RBL1: variants seen among roughly 807,000 people sequenced by gnomAD.
The protein encoded by RBL1 is retinoblastoma-like protein 1.
Under a neutral mutation model 123.0 loss-of-function variants are expected in RBL1, and 82 were observed. The ratio of observed to expected loss-of-function variants is 0.67; its 90% confidence interval spans 0.56 to 0.80. The LOEUF (loss-of-function observed/expected upper bound fraction) is 0.80. RBL1 is among the 30% of genes least tolerant of loss of function. The pLI, the probability that RBL1 is intolerant of heterozygous loss-of-function variation, is 0.00. For missense variants in RBL1, 1,171 were observed against 1,299.6 expected (o/e 0.90, Z 1.52); for synonymous variants, 405 against 441.3 (o/e 0.92, Z 1.03).
intron 19 of RBL1, among the ~76,000 whole-genome samples, chr20:37,013,651 G>A (rs1453316539): frequency 2.6e-5 from 4 of 151,786 alleles, no homozygotes; most frequent in Non-Finnish European, 5.9e-5. Flanking sequence ...GAAAGATCCA[G>A]TGAAGTCTCT....
chr20:37,021,591 C>T (rs1379668632), intron 17 of RBL1, among the ~76,000 whole-genome samples: 1 of 151,910 alleles, frequency 6.6e-6, no homozygotes, highest in East Asian at 1.9e-4. Context: ...ACTACAGGCG[C>T]GTGCCACCAT....
At chr20:37,013,798 A>C (rs559433531) in intron 19 of RBL1, among the ~76,000 whole-genome samples, 2 of 152,062 alleles carry the variant, frequency 1.3e-5, no homozygotes, top group South Asian at 4.1e-4. Context: ...AAATCTTGGC[A>C]CCTGTTCTTG....
Position 37,065,458 on chromosome 20 carries a change from A to G in RBL1, c.862T>C (p.Cys288Arg). Reference protein sequence around the residue: ...LFDRKILKGECLLDLSSFTDN... With the variant: ...LFDRKILKGERLLDLSSFTDN... ...GTAAAACTTGAAAGGTCCAGGAGGC[A>G]TTCTCCTTTTAATATCTGTGAACAA... Residue 288 changes from cysteine to arginine, a missense_variant, in exon 7 of 22, where the codon TGC (cysteine) becomes CGC (arginine). Cys to Arg is a radical substitution (Grantham distance 180). Coordinates refer to ENST00000373664, the MANE Select transcript of RBL1 (RefSeq NM_002895.5). 1 of 1,597,534 alleles carries G rather than the reference A, an allele frequency of 6.3e-7. No homozygotes were observed. Among genetic ancestry groups the G allele is most frequent in the Non-Finnish European group, 8.6e-7 (1 of 1,168,756 alleles).
chr20:37,029,493 C>G (rs868232866), intron 16 of RBL1, among the ~76,000 whole-genome samples: 2 of 152,146 alleles, frequency 1.3e-5, no homozygotes, highest in East Asian at 3.8e-4. Flanking sequence ...ACATCATACT[C>G]AAATTGAAAA....
chr20:37,051,605 T>G (rs2064915153), intron 11 of RBL1, among the ~76,000 whole-genome samples: 1 of 152,020 alleles, frequency 6.6e-6, no homozygotes, highest in Non-Finnish European at 1.5e-5. Flanking sequence ...ATACTTTACT[T>G]AAATTGGTTA....
At chr20:37,094,838 G>A (rs1454906115) in intron 1 of RBL1, among the ~76,000 whole-genome samples, 2 of 152,116 alleles carry the variant, frequency 1.3e-5, no homozygotes, top group African/African-American at 2.4e-5. Flanking sequence ...GGGTTTCGCC[G>A]TGTTGCCCAG....
intron 7 of RBL1, among the ~76,000 whole-genome samples, chr20:37,062,890 A>G (rs1277203999): frequency 6.7e-6 from 1 of 149,168 alleles, no homozygotes; most frequent in Non-Finnish European, 1.5e-5. Flanking sequence ...GCTGAGGCAG[A>G]AGAATGGCAT....
chr20:37,054,490 T>A lies in RBL1; in HGVS notation c.1467+1063A>T, dbSNP rs535291665. On this transcript the variant is annotated intron_variant, in intron 11 of 21. Transcript: ENST00000373664. ...CAGAGCGAGACTACATCTAAAAAAA[T>A]AAATAAATAAAATTAAAAAAATTAA... Among the ~76,000 whole-genome samples the A allele has an allele frequency of 5.2e-3, 759 of 145,424 alleles. 7 individuals carry two copies. Among genetic ancestry groups the A allele is most frequent in the African/African-American group, 0.018 (716 of 39,346 alleles).
At position 37,095,906 on chromosome 20, in the gene RBL1, G is replaced by A. The variant is rs772333188; in HGVS notation, c.23C>T (p.Ala8Val). 2.5e-6 allele frequency: 4 copies of A among 1,600,662 alleles called. No individual in the cohort carries two copies. The highest frequency in any genetic ancestry group is 1.3e-5 in the African/African-American group (1 of 74,862). ...TGCGGCGACCACCGCCGCCCCCTCA[G>A]CGTGGGGCTTGTCCTCGAACATCCC... is the stretch of plus-strand genomic sequence containing the variant. MFEDKPHAEGAAVVAAAG... is the reference protein window; with the variant it reads MFEDKPHVEGAAVVAAAG... Residue 8 changes from alanine (A) to valine (V), a missense_variant, in exon 1 of 22, where the codon GCT becomes GTT. Physicochemically the swap from Ala to Val is moderately conservative, Grantham distance 64. Coordinates refer to ENST00000373664, the MANE Select transcript of RBL1 (RefSeq NM_002895.5).
At chr20:37,064,931 CTTTT>C (rs377383954) in intron 7 of RBL1, among the ~76,000 whole-genome samples, 3 of 133,626 alleles carry the variant, frequency 2.2e-5, no homozygotes, top group Non-Finnish European at 3.2e-5. Flanking sequence ...CGGCCTCTTT[CTTTT>C]TTTTTTTTTT....
intron 18 of RBL1, among the ~76,000 whole-genome samples, chr20:37,019,854 G>A (rs998223823): frequency 3.3e-5 from 5 of 152,114 alleles, no homozygotes; most frequent in Admixed American, 6.6e-5. Flanking sequence ...AATGCTTATT[G>A]TGTGCCAGTC....
intron 2 of RBL1, chr20:37,082,067 G>C (rs1444862967): frequency 2.2e-6 from 1 of 454,578 alleles, no homozygotes; most frequent in South Asian, 1.6e-5. Context: ...CTATGCCGGG[G>C]GAGCCTGCAA....
chr20:37,016,020 G>A (rs1189265823), intron 19 of RBL1, among the ~76,000 whole-genome samples: 3 of 138,842 alleles, frequency 2.2e-5, no homozygotes, highest in Non-Finnish European at 3.1e-5. Context: ...CGTGCCCAGC[G>A]GTTTTTTTTT....
chr20:37,004,513 G>T (rs2064038043), intron 20 of RBL1, among the ~76,000 whole-genome samples: 1 of 148,898 alleles, frequency 6.7e-6, no homozygotes, highest in Non-Finnish European at 1.5e-5. Flanking sequence ...AGGAGTTTGA[G>T]ACCAGCCTGG....
At chr20:37,000,736 C>T (rs1337231433) in intron 21 of RBL1, among the ~76,000 whole-genome samples, 1 of 135,046 alleles carries the variant, frequency 7.4e-6, no homozygotes, top group Admixed American at 7.1e-5. Context: ...GGTCAGCCCC[C>T]CGCCCGGCCA....
intron 13 of RBL1, among the ~76,000 whole-genome samples, chr20:37,041,209 CA>C (rs1352117163): frequency 1.3e-5 from 2 of 151,998 alleles, no homozygotes; most frequent in African/African-American, 4.8e-5. Context: ...ACACGAGTTA[CA>C]AAAGAATAAC....
At chr20:37,003,681 C>A in intron 21 of RBL1, 21 bp downstream of exon 21, 2 of 1,563,198 alleles carry the variant, frequency 1.3e-6, no homozygotes, top group Admixed American at 1.9e-5. Flanking sequence ...TGAAATCCAA[C>A]TTTTAGCCTA....
chr20:37,091,360 A>G (rs1438746636), intron 1 of RBL1, among the ~76,000 whole-genome samples: 1 of 150,326 alleles, frequency 6.7e-6, no homozygotes, highest in Non-Finnish European at 1.5e-5. Flanking sequence ...CTCCATCTCA[A>G]AAAAAAAAAC....
At chr20:37,049,406 A>T (rs1188227637) in intron 11 of RBL1, 2 of 738,140 alleles carry the variant, frequency 2.7e-6, no homozygotes, top group Admixed American at 1.8e-5. Context: ...AGCAACTGGA[A>T]GATGTCTGAC....
Sources: gnomAD v4.1 joint callset for allele counts (sites outside exome capture counted in the v4.1 genomes callset) on GRCh38, gnomAD v4.1.1 for gene constraint, MANE v1.5 for transcripts, NCBI Gene and HGNC (gene_info 2026-07-23, HGNC 2026-07-21) for gene names.